SMAD9: variants seen among roughly 807,000 people sequenced by gnomAD.
The protein encoded by SMAD9 is SMAD family member 9.
A neutral mutation model predicts 46.1 loss-of-function variants in SMAD9; 36 were observed. That is an observed-to-expected ratio of 0.78 (90% CI 0.60 to 1.03). The LOEUF (loss-of-function observed/expected upper bound fraction) is 1.03. Ranked by LOEUF, SMAD9 falls within the 50% of genes least tolerant of loss-of-function variation. The pLI is 0.00. For missense variants in SMAD9, 572 were observed against 599.8 expected, an observed-to-expected ratio of 0.95 and a Z score of 0.48; for synonymous variants, 245 against 237.1, an observed-to-expected ratio of 1.03 and a Z score of -0.31.
chr13:36,906,608 C>T (rs1314571794), intron 1 of SMAD9, among the ~76,000 whole-genome samples: 1 of 152,044 alleles, frequency 6.6e-6, no homozygotes, highest in African/African-American at 2.4e-5. Flanking sequence ...GACACTTCTC[C>T]AAAGAAGATA....
At chr13:36,896,101 C>T (rs1405779407) in intron 1 of SMAD9, among the ~76,000 whole-genome samples, 1 of 147,582 alleles carries the variant, frequency 6.8e-6, no homozygotes, top group Non-Finnish European at 1.5e-5. Context: ...TGTTGCCAAT[C>T]CTGTTGAGTA....
At chr13:36,852,564 A>C in intron 6 of SMAD9, 1 of 983,594 alleles carries the variant, frequency 1.0e-6, no homozygotes, top group Non-Finnish European at 1.2e-6. Flanking sequence ...TCATCAACAG[A>C]ACATATACTG....
At position 36,848,671 on chromosome 13, in the gene SMAD9, G is replaced by A; in HGVS notation, c.*5C>T. On this transcript the variant is annotated 3_prime_UTR_variant, in exon 7 of 7. Coordinates refer to ENST00000379826, the MANE Select transcript of SMAD9 (RefSeq NM_001127217.3). ...CCTATGGAAATGCAGCTTAAGACAT[G>A]ACTGTTAAGACACTGAAGAAATGGG... is the stretch of plus-strand genomic sequence containing the variant. 6.2e-7 allele frequency: 1 copy of A among 1,613,950 alleles called. No individual in the cohort carries two copies. The highest frequency in any genetic ancestry group is 1.7e-5 in the Admixed American group (1 of 60,020).
intron 5 of SMAD9, among the ~76,000 whole-genome samples, chr13:36,860,737 G>A (rs2138345126): frequency 1.3e-5 from 2 of 152,216 alleles, no homozygotes; most frequent in East Asian, 3.9e-4. Flanking sequence ...ACAGGCATGA[G>A]CCACCACGCC....
At chr13:36,869,010 A>C (rs1216420147) in intron 3 of SMAD9, among the ~76,000 whole-genome samples, 1 of 152,176 alleles carries the variant, frequency 6.6e-6, no homozygotes, top group Non-Finnish European at 1.5e-5. Context: ...TAAAACATAC[A>C]CAAAGGGGCA....
rs141678285 is a variant in SMAD9 at position 36,859,313 on chromosome 13, T to C, written c.1004-5638A>G. Among the ~76,000 whole-genome samples, 468 of 152,334 alleles carry C rather than the reference T, an allele frequency of 3.1e-3. 2 individuals carry two copies. Among genetic ancestry groups the C allele is most frequent in the African/African-American group, 0.011 (456 of 41,580 alleles). On this transcript the variant is annotated intron_variant, in intron 5 of 6. Transcript: ENST00000379826. ...ATACCACCTGGACATGCAGACCCTC[T>C]GCCCAAGGAGTTTGAAACAGAGTGA...
At chr13:36,920,795 C>T (rs1181815230), upstream of SMAD9, 2 of 152,246 alleles carry the variant, frequency 1.3e-5, no homozygotes, top group African/African-American at 2.4e-5. Flanking sequence ...CCTGTTTGTT[C>T]CTGATTTGCT....
rs2058048163 is a variant in SMAD9 at position 36,848,112 on chromosome 13, G to A, written c.*564C>T. 2 of 153,762 alleles carry A rather than the reference G, an allele frequency of 1.3e-5. No homozygotes were observed. Among genetic ancestry groups the A allele is most frequent in the East Asian group, 1.9e-4 (1 of 5,234 alleles). The allele number at this position is 153,762 out of a possible 1,614,324, so 9.5% of individuals were successfully genotyped here. A position where few individuals can be genotyped will look rare whatever the true frequency, so the allele number is the denominator to read the frequency against. ...AAATGTACCACTGAATATGAGCACA[G>A]GAGCCCAGCTATAGGTATGTCAACC... is the stretch of plus-strand genomic sequence containing the variant. On this transcript the variant is annotated 3_prime_UTR_variant, in exon 7 of 7. Coordinates refer to ENST00000379826, the MANE Select transcript of SMAD9 (RefSeq NM_001127217.3).
intron 1 of SMAD9, among the ~76,000 whole-genome samples, chr13:36,892,064 AT>A (rs1376229125): frequency 6.6e-6 from 1 of 152,198 alleles, no homozygotes; most frequent in Non-Finnish European, 1.5e-5. Context: ...ATGTTGAAAT[AT>A]TTTTGTCAAT....
At position 36,905,882 on chromosome 13, in the gene SMAD9, G is replaced by A. The variant is rs890214203; in HGVS notation, c.-187+14234C>T. 4.1e-5 allele frequency among the ~76,000 whole-genome samples: 6 copies of A among 147,870 alleles called. No individual in the cohort carries two copies. In the South Asian group the frequency reaches 8.5e-4, roughly 21 times the overall value. Reference sequence around the variant, plus strand: ...GTTTTGAAAATAAAGATAGGGTCTCGCTATATTTTCTTGCTATGTCTCAAG... The same window carrying A: ...GTTTTGAAAATAAAGATAGGGTCTCACTATATTTTCTTGCTATGTCTCAAG... On this transcript the variant is annotated intron_variant, in intron 1 of 6. Transcript: ENST00000379826.
chr13:36,854,352 AT>A (rs34488945), intron 5 of SMAD9, among the ~76,000 whole-genome samples: 9,844 of 151,950 alleles, frequency 0.065, 628 homozygotes, highest in African/African-American at 0.16. Context: ...GTAATCCTTC[AT>A]TGTACATACA....
chr13:36,911,634 T>C, intron 1 of SMAD9, among the ~76,000 whole-genome samples: 1 of 68,636 alleles, frequency 1.5e-5, no homozygotes, highest in Non-Finnish European at 3.4e-5. Flanking sequence ...GGGGGGCGGG[T>C]GGAGTTCATA....
At chr13:36,894,557 T>A (rs963307479) in intron 1 of SMAD9, among the ~76,000 whole-genome samples, 1 of 152,200 alleles carries the variant, frequency 6.6e-6, no homozygotes, top group Non-Finnish European at 1.5e-5. Context: ...GAACAATTAA[T>A]GAGTAGCCCA....
intron 6 of SMAD9, chr13:36,851,878 C>T (rs2058077624): frequency 1.0e-6 from 1 of 972,114 alleles, no homozygotes; most frequent in South Asian, 4.7e-5. Context: ...TTAGGAAAAT[C>T]AGATTTCTAT....
chr13:36,886,473 C>T (rs1051705489), intron 1 of SMAD9, among the ~76,000 whole-genome samples: 2 of 152,212 alleles, frequency 1.3e-5, no homozygotes, highest in African/African-American at 4.8e-5. Flanking sequence ...TGAAGCACAA[C>T]AGAGAGGTTG....
intron 5 of SMAD9, among the ~76,000 whole-genome samples, chr13:36,863,004 C>T (rs751712825): frequency 6.6e-6 from 1 of 152,136 alleles, no homozygotes; most frequent in African/African-American, 2.4e-5. Context: ...GGCTGAGAGG[C>T]GATGCTCAGT....
At chr13:36,861,527 G>T (rs1566016759) in intron 5 of SMAD9, among the ~76,000 whole-genome samples, 2 of 151,418 alleles carry the variant, frequency 1.3e-5, no homozygotes, top group Admixed American at 6.6e-5. Flanking sequence ...TGTTGGCCAG[G>T]CTGGTCTCGA....
chr13:36,853,436 G>T lies in SMAD9; in HGVS notation c.1243C>A (p.Arg415=), dbSNP rs863223772. 2 of 1,613,848 alleles carry T rather than the reference G, an allele frequency of 1.2e-6. No individual in the cohort carries two copies. The highest frequency in any genetic ancestry group is 2.7e-5 in the African/African-American group (2 of 74,882). Residue 415 remains arginine, a synonymous_variant, in exon 6 of 7, where the codon CGG becomes AGG. Transcript: ENST00000379826. Reference sequence around the variant, plus strand: ...CTCCTTACCTTAACAAAACTCATCCGGATAGTACACATCTTGGTCAGTTCA... The same window carrying T: ...CTCCTTACCTTAACAAAACTCATCCTGATAGTACACATCTTGGTCAGTTCA... ...VYELTKMCTI[R]MSFVKGWGAE...
At chr13:36,890,569 AC>A (rs1293590030) in intron 1 of SMAD9, among the ~76,000 whole-genome samples, 2 of 152,234 alleles carry the variant, frequency 1.3e-5, no homozygotes, top group Non-Finnish European at 2.9e-5. Context: ...CCCAGGTGGA[AC>A]AGCTTAGCTT....
Sources: gnomAD v4.1 joint callset for allele counts (sites outside exome capture counted in the v4.1 genomes callset) on GRCh38, gnomAD v4.1.1 for gene constraint, MANE v1.5 for transcripts, NCBI Gene and HGNC (gene_info 2026-07-23, HGNC 2026-07-21) for gene names.